Variants in MAGOHB observed in about 807,000 individuals in gnomAD.
MAGOHB encodes the protein protein mago nashi homolog 2.
MAGOHB carries 15 observed loss-of-function variants against 20.9 expected under a neutral mutation model. That is an observed-to-expected ratio of 0.72 (90% confidence interval 0.48 to 1.11). The LOEUF (loss-of-function observed/expected upper bound fraction) is 1.11. Among genes scored for constraint, MAGOHB ranks in the 50% least tolerant of loss-of-function variants. The pLI is 0.00. For missense variants in MAGOHB, 162 were observed against 177.6 expected, an observed-to-expected ratio of 0.91 and a Z score of 0.50; for synonymous variants, 50 against 57.9, an observed-to-expected ratio of 0.86 and a Z score of 0.62.
intron 4 of MAGOHB, among the ~76,000 whole-genome samples, chr12:10,607,522 G>C (rs1865650163): frequency 6.6e-6 from 1 of 152,110 alleles, no homozygotes; most frequent in Non-Finnish European, 1.5e-5. Context: ...GATGATATAG[G>C]CCTAATGAGG....
chr12:10,611,992 G>A (rs1865752164), intron 1 of MAGOHB, among the ~76,000 whole-genome samples: 1 of 152,072 alleles, frequency 6.6e-6, no homozygotes, highest in East Asian at 1.9e-4. Context: ...AAGAATAGAT[G>A]AATTCAGGTA....
At chr12:10,608,020 T>C (rs886607406) in intron 3 of MAGOHB, 84 bp from the exon 4 acceptor site, 1 of 799,190 alleles carries the variant, frequency 1.3e-6, no homozygotes, top group Non-Finnish European at 2.0e-6. Context: ...AGATCCCAAT[T>C]TTAGTTGCAA....
intron 4 of MAGOHB, among the ~76,000 whole-genome samples, chr12:10,607,176 T>C (rs1330334250): frequency 6.6e-6 from 1 of 152,176 alleles, no homozygotes; most frequent in Non-Finnish European, 1.5e-5. Flanking sequence ...AACAAATATT[T>C]ATTGAAAGCA....
At chr12:10,601,521 T>A (rs1865554680), downstream of MAGOHB, among the ~76,000 whole-genome samples, 1 of 152,182 alleles carries the variant, frequency 6.6e-6, no homozygotes, top group Non-Finnish European at 1.5e-5. Flanking sequence ...CTAGCTCCCA[T>A]GTGTGACTTC....
intron 3 of MAGOHB, 113 bp from the exon 4 acceptor site, chr12:10,608,049 G>T: frequency 1.6e-6 from 1 of 612,414 alleles, no homozygotes; most frequent in South Asian, 2.1e-5. Flanking sequence ...GCAGCCAACA[G>T]AGGGAGTGGG....
At position 10,613,528 on chromosome 12, in the gene MAGOHB, G is replaced by A; in HGVS notation, c.5C>T (p.Ala2Val). 2 of 1,612,978 alleles carry A rather than the reference G, an allele frequency of 1.2e-6. No individual in the cohort carries two copies. The highest frequency in any genetic ancestry group is 1.1e-5 in the South Asian group (1 of 91,060). M[A>V]VASDFYLRYY... Reference sequence around the variant, plus strand: ...GCGCAGGTAGAAATCGCTAGCCACAGCCATTTTTGTACCCGGGAAGCCCGC... The same window carrying A: ...GCGCAGGTAGAAATCGCTAGCCACAACCATTTTTGTACCCGGGAAGCCCGC... The change falls in exon 1 of 5, where the codon GCT (alanine) becomes GTT (valine). Residue 2 changes from alanine (A) to valine (V), a missense_variant. Coordinates refer to ENST00000320756, the MANE Select transcript of MAGOHB (RefSeq NM_018048.5).
At chr12:10,603,832 C>T (rs908589578), downstream of MAGOHB, among the ~76,000 whole-genome samples, 28 of 152,130 alleles carry the variant, frequency 1.8e-4, no homozygotes, top group African/African-American at 6.5e-4. Flanking sequence ...TCCATTCATG[C>T]TAGGAATCCA....
Position 10,613,424 on chromosome 12 carries a change from T to C in MAGOHB, c.94+15A>G, listed in dbSNP as rs1171338919. On this transcript the variant is annotated intron_variant, in intron 1 of 4. Transcript: ENST00000320756. ...TCCCCTTTCCCAGCACCGCGTGCCG[T>C]GGGCCTCTTCTCACCGTCCGGCCGA... is the stretch of plus-strand genomic sequence containing the variant. The C allele has an allele frequency of 7.4e-6, 12 of 1,612,708 alleles. No homozygotes were observed. The Admixed American group carries it at 2.0e-4, about 27-fold the overall frequency.
chr12:10,601,632 C>G (rs551061449), downstream of MAGOHB, among the ~76,000 whole-genome samples: 3 of 152,248 alleles, frequency 2.0e-5, no homozygotes, highest in South Asian at 4.1e-4. Context: ...GAGGTAAGAT[C>G]CATCTCAAAG....
downstream of MAGOHB, among the ~76,000 whole-genome samples, chr12:10,602,451 C>T (rs1865562634): frequency 6.6e-6 from 1 of 152,200 alleles, no homozygotes; most frequent in Admixed American, 6.5e-5. Flanking sequence ...GCAAATTTCT[C>T]CTTTAAAGGA....
chr12:10,612,366 C>A (rs1248493298), intron 1 of MAGOHB, among the ~76,000 whole-genome samples: 1 of 151,448 alleles, frequency 6.6e-6, no homozygotes, highest in African/African-American at 2.4e-5. Flanking sequence ...CCACTGCACT[C>A]AGATCTGGGT....
intron 4 of MAGOHB, 91 bp from the exon 5 acceptor site, chr12:10,606,465 CAATTA>C (rs1565549970): frequency 1.4e-6 from 1 of 692,780 alleles, no homozygotes; most frequent in South Asian, 1.9e-5. Flanking sequence ...AATCTCATAA[CAATTA>C]AGTTAACAAA....
intron 3 of MAGOHB, chr12:10,609,369 G>A (rs1237594318): frequency 9.1e-6 from 4 of 440,706 alleles, no homozygotes; most frequent in Non-Finnish European, 1.8e-5. Flanking sequence ...AGAAGCCTGA[G>A]AAACATCATT....
chr12:10,606,200 ACC>A lies in MAGOHB; in HGVS notation c.*73_*74del, dbSNP rs991568360. On this transcript the variant is annotated 3_prime_UTR_variant, in exon 5 of 5. Coordinates refer to ENST00000320756, the MANE Select transcript of MAGOHB (RefSeq NM_018048.5). ...TTTTGTTTGCTTCACATTCATAAAA[ACC>A]CCAATACTGTAAATGACAAATAACC... The A allele has an allele frequency of 1.3e-6, 1 of 771,972 alleles. No homozygotes were observed. Among genetic ancestry groups the A allele is most frequent in the East Asian group, 3.0e-5 (1 of 33,122 alleles). 47.8% of individuals were successfully genotyped at this position (771,972 alleles called of 1,614,324 possible). A position where few individuals can be genotyped will look rare whatever the true frequency, so the allele number is the denominator to read the frequency against.
downstream of MAGOHB, among the ~76,000 whole-genome samples, chr12:10,601,830 T>G (rs768104041): frequency 6.6e-6 from 1 of 152,210 alleles, no homozygotes; most frequent in Non-Finnish European, 1.5e-5. Flanking sequence ...ACTAATTAAA[T>G]TTAGCACTAC....
At position 10,607,846 on chromosome 12, in the gene MAGOHB, A is replaced by G. The variant is rs1404204471; in HGVS notation, c.347+8T>C. 3.3e-6 allele frequency: 5 copies of G among 1,527,808 alleles called. No individual in the cohort carries two copies. The highest frequency in any genetic ancestry group is 9.0e-7 in the Non-Finnish European group (1 of 1,111,348). The allele number at this position is 1,527,808 out of a possible 1,614,324, so 94.6% of individuals were successfully genotyped here. A position where few individuals can be genotyped will look rare whatever the true frequency, so the allele number is the denominator to read the frequency against. On this transcript the variant is annotated splice_region_variant and intron_variant, in intron 4 of 4. Coordinates refer to ENST00000320756, the MANE Select transcript of MAGOHB (RefSeq NM_018048.5). ...GAAAACTTCGCCAAAATGCTTTAAC[A>G]TACTTACTTTGACTGATTTACATCA...
At chr12:10,612,982 T>G (rs1224436132) in intron 1 of MAGOHB, 2 of 1,277,154 alleles carry the variant, frequency 1.6e-6, no homozygotes, top group Non-Finnish European at 2.0e-6. Flanking sequence ...ATGCGTCCTA[T>G]GGTGAACAAT....
Position 10,613,506 on chromosome 12 carries a change from C to A in MAGOHB, c.27G>T (p.Leu9=), listed in dbSNP as rs1367529034. The A allele has an allele frequency of 3.1e-6, 5 of 1,614,046 alleles. No individual in the cohort carries two copies. Among genetic ancestry groups the A allele is most frequent in the Non-Finnish European group, 4.2e-6 (5 of 1,180,020 alleles). The change falls in exon 1 of 5, where the codon CTG becomes CTT. Residue 9 remains leucine (L), a synonymous_variant. Coordinates refer to ENST00000320756, the MANE Select transcript of MAGOHB (RefSeq NM_018048.5). ...TGCCCTTGTGCCCTACGTAGTAGCGCAGGTAGAAATCGCTAGCCACAGCCA... is the reference window on the plus strand; with the variant it reads ...TGCCCTTGTGCCCTACGTAGTAGCGAAGGTAGAAATCGCTAGCCACAGCCA... The part of the protein sequence containing the change: MAVASDFY[L]RYYVGHKGKF...
Position 10,605,843 on chromosome 12 carries a change from A to C in MAGOHB, c.*432T>G, listed in dbSNP as rs370107171. On this transcript the variant is annotated 3_prime_UTR_variant, in exon 5 of 5. Coordinates refer to ENST00000320756, the MANE Select transcript of MAGOHB (RefSeq NM_018048.5). ...CAAAATTAAATCCAATCATGTATGA[A>C]GGAAATAAGGGACAATCTACACTTG... The C allele has an allele frequency of 5.9e-5, 9 of 152,416 alleles. No homozygotes were observed. Among genetic ancestry groups the C allele is most frequent in the African/African-American group, 2.2e-4 (9 of 41,574 alleles). The allele number at this position is 152,416 out of a possible 1,614,324, so 9.4% of individuals were successfully genotyped here.
Sources: allele counts gnomAD v4.1 joint callset (sites outside exome capture counted in the v4.1 genomes callset), GRCh38; gene constraint gnomAD v4.1.1; transcripts MANE v1.5; gene names NCBI Gene and HGNC (gene_info 2026-07-23, HGNC 2026-07-21).